The following PARPBP variants were observed in gnomAD, a reference collection of about 807,000 sequenced individuals.
PARPBP encodes the protein PCNA-interacting partner.
A neutral mutation model predicts 50.0 loss-of-function variants in PARPBP; 52 were observed. That is an observed-to-expected ratio of 1.04 (90% CI 0.83 to 1.31). PARPBP has a LOEUF of 1.31. PARPBP is among the 50% of genes most tolerant of loss of function. PARPBP has a pLI of 0.00. For missense variants in PARPBP, 697 were observed against 672.0 expected, an observed-to-expected ratio of 1.04 and a Z score of -0.41; for synonymous variants, 244 against 232.1, an observed-to-expected ratio of 1.05 and a Z score of -0.47.
chr12:102,163,154 A>G (rs1887777850), intron 4 of PARPBP, among the ~76,000 whole-genome samples: 1 of 152,178 alleles, frequency 6.6e-6, no homozygotes, highest in South Asian at 2.1e-4. Flanking sequence ...GAAAAATCAG[A>G]TTGCTATATT....
At chr12:102,134,052 C>G (rs1883255845) in intron 2 of PARPBP, among the ~76,000 whole-genome samples, 1 of 150,522 alleles carries the variant, frequency 6.6e-6, no homozygotes, top group African/African-American at 2.4e-5. Flanking sequence ...CCAAAAGAAA[C>G]TAGGAAAAGA....
intron 6 of PARPBP, among the ~76,000 whole-genome samples, chr12:102,174,353 T>C (rs544750324): frequency 1.2e-4 from 19 of 152,336 alleles, no homozygotes; most frequent in African/African-American, 4.6e-4. Flanking sequence ...GCAATTTTCT[T>C]CTAACTTTCC....
chr12:102,195,132 T>C (rs1891162572), intron 9 of PARPBP, among the ~76,000 whole-genome samples, 180 bp from the exon 10 acceptor site: 2 of 151,594 alleles, frequency 1.3e-5, no homozygotes, highest in Non-Finnish European at 3.0e-5. Context: ...ATGCTAGCCA[T>C]AACAATGAAT....
chr12:102,184,382 A>G (rs949224261), intron 9 of PARPBP, among the ~76,000 whole-genome samples: 3 of 152,182 alleles, frequency 2.0e-5, no homozygotes, highest in East Asian at 1.9e-4. Context: ...GAAAAAATCT[A>G]TCTGAGAAAT....
rs188269392 is a variant in PARPBP, at chr12:102,126,213, T to G, written c.153+2172T>G. Among the ~76,000 whole-genome samples, 149 of 152,248 alleles carry G rather than the reference T, an allele frequency of 9.8e-4. 1 individual carries two copies. Among genetic ancestry groups the G allele is most frequent in the African/African-American group, 3.6e-3 (148 of 41,556 alleles). On this transcript the variant is annotated intron_variant, in intron 2 of 10. Transcript: ENST00000327680. Reference sequence around the variant, plus strand: ...CCTTTTTTTTGGACTCTCCTTTGTCTTTCAAAATTTGCGCTCAGGGTTTAT... The same window carrying G: ...CCTTTTTTTTGGACTCTCCTTTGTCGTTCAAAATTTGCGCTCAGGGTTTAT...
At chr12:102,145,402 T>C (rs1264636970) in intron 2 of PARPBP, among the ~76,000 whole-genome samples, 2 of 152,170 alleles carry the variant, frequency 1.3e-5, no homozygotes, top group Admixed American at 6.5e-5. Context: ...AAATATTTAG[T>C]ACTCATGGTG....
chr12:102,179,361 T>C (rs1258321297), intron 8 of PARPBP, among the ~76,000 whole-genome samples: 1 of 152,260 alleles, frequency 6.6e-6, no homozygotes, highest in African/African-American at 2.4e-5. Flanking sequence ...GCTGGTATTA[T>C]GTGTAAGACA....
intron 2 of PARPBP, among the ~76,000 whole-genome samples, chr12:102,141,419 T>A (rs1477651675): frequency 6.6e-6 from 1 of 152,210 alleles, no homozygotes; most frequent in African/African-American, 2.4e-5. Flanking sequence ...AGCACACTGA[T>A]GGGTCTTGAC....
chr12:102,162,461 T>G (rs1490008279), intron 4 of PARPBP, among the ~76,000 whole-genome samples: 4 of 152,084 alleles, frequency 2.6e-5, no homozygotes, highest in African/African-American at 7.2e-5. Context: ...GAAACAGGAT[T>G]CTAGAGCAGA....
At position 102,125,590 on chromosome 12, in the gene PARPBP, G is replaced by A. The variant is rs148762408; in HGVS notation, c.153+1549G>A. Among the ~76,000 whole-genome samples, 169 of 152,222 alleles carry A rather than the reference G, an allele frequency of 1.1e-3. 3 individuals carry two copies. Among genetic ancestry groups the A allele is most frequent in the African/African-American group, 3.5e-3 (144 of 41,534 alleles). ...GAACAGTAAAAAGGCCAATACAGCT[G>A]TCTGAATAAATGTTAATCTCCTTCC... On this transcript the variant is annotated intron_variant, in intron 2 of 10. Coordinates refer to ENST00000327680, the MANE Select transcript of PARPBP (RefSeq NM_017915.5).
At chr12:102,133,948 T>C (rs960708632) in intron 2 of PARPBP, among the ~76,000 whole-genome samples, 7 of 151,972 alleles carry the variant, frequency 4.6e-5, no homozygotes, top group Non-Finnish European at 1.5e-5. Context: ...CCACAACTTA[T>C]GGGATAGAGC....
chr12:102,196,384 G>A lies in PARPBP; in HGVS notation c.*93G>A. The A allele has an allele frequency of 3.4e-6, 3 of 893,930 alleles. No individual in the cohort carries two copies. The highest frequency in any genetic ancestry group is 3.4e-5 in the South Asian group (2 of 58,132). The allele number at this position is 893,930 out of a possible 1,614,324, so 55.4% of individuals were successfully genotyped here. ...AAGAGATCAAGGTGTAAATTATGAT[G>A]ATTTATTATTTTGGTCTACAGTGTA... On this transcript the variant is annotated 3_prime_UTR_variant, in exon 11 of 11. Coordinates refer to ENST00000327680, the MANE Select transcript of PARPBP (RefSeq NM_017915.5).
intron 9 of PARPBP, among the ~76,000 whole-genome samples, chr12:102,185,618 G>C (rs1188242034): frequency 1.3e-5 from 2 of 152,074 alleles, no homozygotes; most frequent in East Asian, 3.9e-4. Flanking sequence ...CTAAAATTCA[G>C]TAGTGAAGCC....
intron 3 of PARPBP, among the ~76,000 whole-genome samples, chr12:102,153,385 G>A (rs573764726): frequency 1.3e-5 from 2 of 152,124 alleles, no homozygotes; most frequent in Admixed American, 1.3e-4. Context: ...TCACTCTGGC[G>A]CCCAGGTTGG....
At chr12:102,131,278 T>G (rs1882813014) in intron 2 of PARPBP, among the ~76,000 whole-genome samples, 1 of 152,152 alleles carries the variant, frequency 6.6e-6, no homozygotes, top group African/African-American at 2.4e-5. Flanking sequence ...TAAGCTGAGA[T>G]TACACCACTG....
At chr12:102,186,330 T>C (rs1198059358) in intron 9 of PARPBP, among the ~76,000 whole-genome samples, 1 of 152,098 alleles carries the variant, frequency 6.6e-6, no homozygotes, top group Non-Finnish European at 1.5e-5. Context: ...TGCTCTAATC[T>C]TTATTAATCC....
At chr12:102,185,188 A>G (rs1385567571) in intron 9 of PARPBP, among the ~76,000 whole-genome samples, 2 of 152,146 alleles carry the variant, frequency 1.3e-5, no homozygotes, top group Non-Finnish European at 2.9e-5. Context: ...TTCCTACTGT[A>G]GTGTATCAGG....
chr12:102,176,446 T>A (rs949812995), intron 7 of PARPBP, among the ~76,000 whole-genome samples: 1 of 152,228 alleles, frequency 6.6e-6, no homozygotes, highest in Non-Finnish European at 1.5e-5. Context: ...AATCTCTGTC[T>A]CTTGTTTTCT....
chr12:102,159,679 A>C (rs1887350076), intron 4 of PARPBP, among the ~76,000 whole-genome samples: 1 of 147,508 alleles, frequency 6.8e-6, no homozygotes, highest in Admixed American at 6.8e-5. Flanking sequence ...AGGCCAGAAA[A>C]AGAAAATCAT....
Sources: allele counts gnomAD v4.1 joint callset (sites outside exome capture counted in the v4.1 genomes callset), GRCh38; gene constraint gnomAD v4.1.1; transcripts MANE v1.5; gene names NCBI Gene and HGNC (gene_info 2026-07-23, HGNC 2026-07-21).